Variants in CPNE8 observed in about 807,000 individuals in gnomAD.
The protein encoded by CPNE8 is copine-8.
CPNE8 carries 45 observed loss-of-function variants against 81.5 expected under a neutral mutation model. The observed-to-expected ratio is 0.55, with a 90% CI of 0.44 to 0.71. The LOEUF is 0.71. CPNE8 is among the 30% of genes least tolerant of loss of function. The pLI is 0.00. For missense variants in CPNE8, 594 were observed against 672.1 expected (o/e 0.88, Z 1.28); for synonymous variants, 252 against 226.3 (o/e 1.11, Z -1.02).
chr12:38,669,454 A>C (rs907840866), intron 19 of CPNE8, among the ~76,000 whole-genome samples: 1 of 152,116 alleles, frequency 6.6e-6, no homozygotes, highest in Admixed American at 6.6e-5. Flanking sequence ...TAATCTTCAC[A>C]ATTCTATTTA....
intron 1 of CPNE8, among the ~76,000 whole-genome samples, chr12:38,876,210 A>G (rs1305833226): frequency 6.6e-6 from 1 of 152,168 alleles, no homozygotes; most frequent in Non-Finnish European, 1.5e-5. Context: ...ACAATAGGAC[A>G]GATGAGTATT....
chr12:38,747,615 C>T (rs183839200), intron 10 of CPNE8, among the ~76,000 whole-genome samples: 4 of 151,978 alleles, frequency 2.6e-5, no homozygotes, highest in Non-Finnish European at 5.9e-5. Context: ...ATTCTAGATA[C>T]ACTGTATAAA....
Position 38,895,558 on chromosome 12 carries a change from T to C in CPNE8, c.98+9879A>G, listed in dbSNP as rs969556763. Among the ~76,000 whole-genome samples, 5 of 152,150 alleles carry C rather than the reference T, an allele frequency of 3.3e-5. No individual in the cohort carries two copies. The South Asian group carries it at 6.2e-4, about 19-fold the overall frequency. On this transcript the variant is annotated intron_variant, in intron 1 of 19. Coordinates refer to ENST00000331366, the MANE Select transcript of CPNE8 (RefSeq NM_153634.3). ...ACTCAGCATCAGAAAAAGATAAGAATCAATACTGGAAATAAAACATCACAT... is the reference window on the plus strand; with the variant it reads ...ACTCAGCATCAGAAAAAGATAAGAACCAATACTGGAAATAAAACATCACAT...
chr12:38,770,281 C>T (rs1366120338), intron 7 of CPNE8, among the ~76,000 whole-genome samples: 1 of 152,124 alleles, frequency 6.6e-6, no homozygotes, highest in Admixed American at 6.5e-5. Context: ...CTCAAGTGCC[C>T]AAAGAAGCCA....
At chr12:38,693,053 A>G (rs1350232356) in intron 15 of CPNE8, among the ~76,000 whole-genome samples, 1 of 152,186 alleles carries the variant, frequency 6.6e-6, no homozygotes, top group Non-Finnish European at 1.5e-5. Context: ...TATGTAAAAC[A>G]AGGGAGAGTT....
At position 38,806,153 on chromosome 12, in the gene CPNE8, C is replaced by T. The variant is rs1384007972; in HGVS notation, c.407+23226G>A. 2.7e-5 allele frequency among the ~76,000 whole-genome samples: 4 copies of T among 150,216 alleles called. 1 individual carries two copies. The highest frequency in any genetic ancestry group is 5.9e-5 in the Non-Finnish European group (4 of 67,434). On this transcript the variant is annotated intron_variant, in intron 6 of 19. Transcript: ENST00000331366. ...AAGAGTCCAGGACCAGATGGATTCA[C>T]AGCTGAATTCTACCAGAGGCATGAG...
chr12:38,864,929 T>C (rs1307906496), intron 3 of CPNE8, among the ~76,000 whole-genome samples: 2 of 152,196 alleles, frequency 1.3e-5, no homozygotes, highest in African/African-American at 2.4e-5. Context: ...AATGCCACAC[T>C]ATATAAAGGA....
At chr12:38,856,172 C>T (rs1014569137) in intron 3 of CPNE8, among the ~76,000 whole-genome samples, 1 of 151,670 alleles carries the variant, frequency 6.6e-6, no homozygotes, top group Non-Finnish European at 1.5e-5. Flanking sequence ...TTGAACAGAC[C>T]AATAATGAAT....
chr12:38,798,644 C>A (rs536353733), intron 6 of CPNE8, among the ~76,000 whole-genome samples: 4 of 151,426 alleles, frequency 2.6e-5, no homozygotes, highest in Admixed American at 6.6e-5. Flanking sequence ...CATCAACTAA[C>A]GAGCAAAATA....
At chr12:38,774,568 G>T (rs1013272817) in intron 7 of CPNE8, among the ~76,000 whole-genome samples, 1 of 151,936 alleles carries the variant, frequency 6.6e-6, no homozygotes, top group African/African-American at 2.4e-5. Flanking sequence ...GTACATTATA[G>T]TATCAAACTT....
intron 8 of CPNE8, among the ~76,000 whole-genome samples, chr12:38,767,240 G>A (rs1170085402): frequency 6.6e-6 from 1 of 151,900 alleles, no homozygotes; most frequent in Non-Finnish European, 1.5e-5. Flanking sequence ...CTGAAAGTTA[G>A]TCTCAGATAT....
At chr12:38,730,040 T>A (rs111232925) in intron 11 of CPNE8, among the ~76,000 whole-genome samples, 1 of 152,046 alleles carries the variant, frequency 6.6e-6, no homozygotes, top group East Asian at 1.9e-4. Flanking sequence ...AACAATAAAC[T>A]TATATCCATA....
At chr12:38,789,186 AC>A (rs1942268077) in intron 6 of CPNE8, among the ~76,000 whole-genome samples, 1 of 152,000 alleles carries the variant, frequency 6.6e-6, no homozygotes, top group East Asian at 1.9e-4. Context: ...AAATTACATT[AC>A]CTGACTTTGA....
chr12:38,793,166 AG>A (rs1165050243), intron 6 of CPNE8, among the ~76,000 whole-genome samples: 1 of 143,340 alleles, frequency 7.0e-6, no homozygotes, highest in Non-Finnish European at 1.5e-5. Context: ...ATCAAGAGGA[AG>A]GCAAGTATGC....
intron 15 of CPNE8, among the ~76,000 whole-genome samples, chr12:38,692,067 G>T (rs12231800): frequency 1.3e-5 from 2 of 152,006 alleles, no homozygotes; most frequent in Non-Finnish European, 2.9e-5. Flanking sequence ...TGAGGCAGGC[G>T]AATTGCTTGA....
intron 14 of CPNE8, among the ~76,000 whole-genome samples, chr12:38,701,762 G>T (rs906263873): frequency 6.6e-6 from 1 of 152,086 alleles, no homozygotes. Context: ...CCAAAGTGCT[G>T]GTATTACAGG....
intron 1 of CPNE8, among the ~76,000 whole-genome samples, chr12:38,889,626 G>A (rs1944282701): frequency 6.6e-6 from 1 of 152,176 alleles, no homozygotes; most frequent in African/African-American, 2.4e-5. Context: ...ATAGTATGAT[G>A]TCATTTGCCC....
At chr12:38,881,154 G>C (rs569880919) in intron 1 of CPNE8, among the ~76,000 whole-genome samples, 91 of 151,046 alleles carry the variant, frequency 6.0e-4, no homozygotes, top group African/African-American at 2.0e-3. Context: ...AGCTTGCAGT[G>C]AGCCGAGATC....
intron 6 of CPNE8, among the ~76,000 whole-genome samples, chr12:38,807,656 A>G (rs1942841325): frequency 6.6e-6 from 1 of 151,816 alleles, no homozygotes; most frequent in African/African-American, 2.4e-5. Context: ...AGCCTAGAAG[A>G]AAACCTAGGC....
Sources: gnomAD v4.1 joint callset for allele counts (sites outside exome capture counted in the v4.1 genomes callset) on GRCh38, gnomAD v4.1.1 for gene constraint, MANE v1.5 for transcripts, NCBI Gene and HGNC (gene_info 2026-07-23, HGNC 2026-07-21) for gene names.